CAMTA1: variants seen among roughly 807,000 people sequenced by gnomAD.
CAMTA1 encodes the protein calmodulin-binding transcription activator 1.
In CAMTA1, 27 loss-of-function variants were observed where a neutral mutation model predicts 170.9. The observed-to-expected ratio is 0.16, with a 90% CI of 0.12 to 0.22. The LOEUF (loss-of-function observed/expected upper bound fraction) is 0.22. Among genes scored for constraint, CAMTA1 ranks in the 10% least tolerant of loss-of-function variants. CAMTA1 has a pLI of 1.00. For missense variants in CAMTA1, 1,619 were observed against 2,217.2 expected, an observed-to-expected ratio of 0.73 and a Z score of 5.42; for synonymous variants, 833 against 891.5, an observed-to-expected ratio of 0.93 and a Z score of 1.17.
At chr1:6,922,669 C>T (rs1186651023) in intron 3 of CAMTA1, among the ~76,000 whole-genome samples, 2 of 152,166 alleles carry the variant, frequency 1.3e-5, no homozygotes, top group Non-Finnish European at 2.9e-5. Context: ...CACACGGCAT[C>T]CCTCCTGCCG....
At chr1:7,428,317 G>A (rs2091971573) in intron 5 of CAMTA1, among the ~76,000 whole-genome samples, 1 of 152,078 alleles carries the variant, frequency 6.6e-6, no homozygotes, top group African/African-American at 2.4e-5. Context: ...CAGTGCCCAG[G>A]GTGTAGGAGG....
intron 3 of CAMTA1, among the ~76,000 whole-genome samples, chr1:6,856,358 G>A (rs79008917): frequency 0.016 from 2,140 of 131,882 alleles, 47 homozygotes; most frequent in African/African-American, 0.057. Flanking sequence ...TATTCATTCA[G>A]CATTTATTTA....
chr1:7,693,851 T>G (rs1345068246), intron 11 of CAMTA1: 2 of 152,406 alleles, frequency 1.3e-5, no homozygotes, highest in East Asian at 3.9e-4. Context: ...CAGAGTCAGC[T>G]GATACCACGT....
chr1:7,490,616 C>T (rs899939210), intron 6 of CAMTA1, among the ~76,000 whole-genome samples: 5 of 151,852 alleles, frequency 3.3e-5, no homozygotes, highest in African/African-American at 9.7e-5. Context: ...TGTGCCACTG[C>T]ACTCCAGCCT....
intron 3 of CAMTA1, among the ~76,000 whole-genome samples, chr1:6,854,130 A>G (rs151206258): frequency 0.011 from 1,717 of 152,330 alleles, 25 homozygotes; most frequent in Admixed American, 0.038. Flanking sequence ...GTTTCAGTCA[A>G]CAAGGGACTG....
chr1:7,705,918 G>A (rs1469635728), intron 11 of CAMTA1, among the ~76,000 whole-genome samples: 1 of 152,178 alleles, frequency 6.6e-6, no homozygotes, highest in Non-Finnish European at 1.5e-5. Context: ...TAGATGCTCG[G>A]GGTGGCCCTT....
rs562104897 is a variant in CAMTA1, at chr1:7,082,513, C to T, written c.235-8791C>T. On this transcript the variant is annotated intron_variant, in intron 3 of 22. Coordinates refer to ENST00000303635, the MANE Select transcript of CAMTA1 (RefSeq NM_015215.4). Reference sequence around the variant, plus strand: ...GATAGCACAGCTCTTTGTGTGGCTCCCATCTACTTAAAAGCCTTCCCCTGG... The same window carrying T: ...GATAGCACAGCTCTTTGTGTGGCTCTCATCTACTTAAAAGCCTTCCCCTGG... Among the ~76,000 whole-genome samples the T allele has an allele frequency of 1.7e-4, 25 of 151,272 alleles. 2 individuals carry two copies. In the South Asian group the frequency reaches 5.3e-3, roughly 32 times the overall value.
chr1:7,201,164 G>A (rs1287215151), intron 4 of CAMTA1, among the ~76,000 whole-genome samples: 2 of 152,094 alleles, frequency 1.3e-5, no homozygotes, highest in Non-Finnish European at 2.9e-5. Context: ...GTGGCCTTTG[G>A]TAACTGTCTT....
chr1:7,583,690 G>A (rs1354907195), intron 6 of CAMTA1, among the ~76,000 whole-genome samples: 5 of 152,158 alleles, frequency 3.3e-5, no homozygotes, highest in East Asian at 3.8e-4. Context: ...TCTGAGGGTC[G>A]TCTGGAGGCT....
intron 6 of CAMTA1, among the ~76,000 whole-genome samples, chr1:7,632,789 C>T (rs1294942048): frequency 5.3e-5 from 8 of 152,376 alleles, no homozygotes; most frequent in Non-Finnish European, 7.3e-5. Context: ...GAGTCCCCTC[C>T]GTGGGTCTCT....
chr1:7,164,791 A>G (rs2148788308), intron 4 of CAMTA1, among the ~76,000 whole-genome samples: 1 of 152,330 alleles, frequency 6.6e-6, no homozygotes, highest in South Asian at 2.1e-4. Context: ...AGCCCTGTCT[A>G]ATTGTGTGTG....
rs1705138906 is a variant in CAMTA1, at chr1:7,044,954, T to A, written c.235-46350T>A. ...TACTTGTTTCTATGGGCTTCCTATG[T>A]TTCTTTGGAAGCAGCCTCTTCATAA... On this transcript the variant is annotated intron_variant, in intron 3 of 22. Coordinates refer to ENST00000303635, the MANE Select transcript of CAMTA1 (RefSeq NM_015215.4). The surrounding 1 kb of genome is among the most constrained non-coding windows in gnomAD (Gnocchi z 5.0). 6.6e-6 allele frequency among the ~76,000 whole-genome samples: 1 copy of A among 152,068 alleles called. No individual in the cohort carries two copies. The highest frequency in any genetic ancestry group is 2.4e-5 in the African/African-American group (1 of 41,414).
intron 3 of CAMTA1, among the ~76,000 whole-genome samples, chr1:6,868,346 AAAC>A (rs1667352714): frequency 6.6e-6 from 1 of 151,764 alleles, no homozygotes; most frequent in African/African-American, 2.4e-5. Context: ...AAACAAAACA[AAAC>A]AAAAAACGAC....
intron 5 of CAMTA1, among the ~76,000 whole-genome samples, chr1:7,297,425 A>G (rs1674122288): frequency 6.6e-6 from 1 of 152,226 alleles, no homozygotes. Context: ...TTTGGGGAAC[A>G]AATGCCCAAG....
At position 7,634,343 on chromosome 1, in the gene CAMTA1, G is replaced by A. The variant is rs1467509669; in HGVS notation, c.511-6057G>A. Among the ~76,000 whole-genome samples, 8 of 152,106 alleles carry A rather than the reference G, an allele frequency of 5.3e-5. No individual in the cohort carries two copies. The highest frequency in any genetic ancestry group is 1.0e-4 in the Non-Finnish European group (7 of 68,000). On this transcript the variant is annotated intron_variant, in intron 6 of 22. Coordinates refer to ENST00000303635, the MANE Select transcript of CAMTA1 (RefSeq NM_015215.4). The surrounding 1 kb of genome is among the most constrained non-coding windows in gnomAD (Gnocchi z 6.2). ...AGGGAAAATGAGAGGATGACTCCTG[G>A]GTTCCAGACCTGGGCAGCTGTGGGA... is the stretch of plus-strand genomic sequence containing the variant.
At chr1:6,995,300 T>TC (rs1697068194) in intron 3 of CAMTA1, among the ~76,000 whole-genome samples, 1 of 105,314 alleles carries the variant, frequency 9.5e-6, no homozygotes, top group Non-Finnish European at 2.1e-5. Flanking sequence ...CTTTTCTTTT[T>TC]TTTTTTTTTT....
chr1:7,294,300 T>C (rs1256874941), intron 5 of CAMTA1, among the ~76,000 whole-genome samples: 3 of 152,108 alleles, frequency 2.0e-5, no homozygotes, highest in Non-Finnish European at 4.4e-5. Context: ...GGGCTATGGA[T>C]GGTGAGCTTC....
At chr1:7,489,950 C>T (rs554419793) in intron 6 of CAMTA1, among the ~76,000 whole-genome samples, 2 of 152,260 alleles carry the variant, frequency 1.3e-5, no homozygotes, top group South Asian at 4.2e-4. Flanking sequence ...TGACTTTCAG[C>T]GGTTACGGGA....
intron 11 of CAMTA1, among the ~76,000 whole-genome samples, chr1:7,691,408 C>T (rs1272471973): frequency 3.3e-5 from 5 of 152,124 alleles, no homozygotes; most frequent in African/African-American, 4.8e-5. Flanking sequence ...GAGGCAGGGA[C>T]GTGACCAAGT....
Sources: allele counts gnomAD v4.1 joint callset (sites outside exome capture counted in the v4.1 genomes callset), GRCh38; gene constraint gnomAD v4.1.1; non-coding constraint Gnocchi (gnomAD v3.1); transcripts MANE v1.5; gene names NCBI Gene and HGNC (gene_info 2026-07-23, HGNC 2026-07-21).